KCNMA1: variants seen among roughly 807,000 people sequenced by gnomAD.
KCNMA1 encodes Calcium-activated potassium channel subunit alpha-1.
KCNMA1 carries 29 observed loss-of-function variants against 140.0 expected under a neutral mutation model. The observed-to-expected ratio is 0.21, with a 90% CI of 0.15 to 0.28. The LOEUF (loss-of-function observed/expected upper bound fraction) is 0.28. Ranked by LOEUF, KCNMA1 falls within the 10% of genes least tolerant of loss-of-function variation. KCNMA1 has a pLI of 1.00. For missense variants in KCNMA1, 880 were observed against 1,602.2 expected (o/e 0.55, Z 7.70); for synonymous variants, 612 against 611.9 (o/e 1.00, Z 0.00).
chr10:77,257,881 A>G (rs1238934654), intron 2 of KCNMA1, among the ~76,000 whole-genome samples: 1 of 152,216 alleles, frequency 6.6e-6, no homozygotes, highest in East Asian at 1.9e-4. Context: ...GCCACGTGGA[A>G]CTGTGAGTCC....
intron 2 of KCNMA1, among the ~76,000 whole-genome samples, chr10:77,398,304 T>A (rs1330916651): frequency 6.6e-6 from 1 of 152,208 alleles, no homozygotes; most frequent in Admixed American, 6.5e-5. Flanking sequence ...ATAGAGGTTG[T>A]ACTAATTTAC....
At chr10:77,002,181 A>G (rs1435429221) in intron 18 of KCNMA1, among the ~76,000 whole-genome samples, 1 of 152,232 alleles carries the variant, frequency 6.6e-6, no homozygotes, top group Non-Finnish European at 1.5e-5. Context: ...GAGTGAGTTT[A>G]TATGATGGCT....
chr10:77,131,948 G>C (rs1296005753), intron 5 of KCNMA1, among the ~76,000 whole-genome samples: 1 of 124,020 alleles, frequency 8.1e-6, no homozygotes, highest in Non-Finnish European at 1.6e-5. Flanking sequence ...CTGGGCAACA[G>C]AGCAAGACTC....
chr10:77,433,077 G>A (rs2097185166), intron 1 of KCNMA1, among the ~76,000 whole-genome samples: 1 of 152,124 alleles, frequency 6.6e-6, no homozygotes, highest in Non-Finnish European at 1.5e-5. Context: ...ATGGTCATGA[G>A]GTAAGTTTCA....
intron 2 of KCNMA1, among the ~76,000 whole-genome samples, chr10:77,271,098 A>C (rs2064999303): frequency 1.3e-5 from 2 of 152,366 alleles, no homozygotes; most frequent in South Asian, 4.1e-4. Flanking sequence ...CATCTTGTGA[A>C]AATTAGTCCT....
At chr10:77,335,982 A>T (rs919728556) in intron 2 of KCNMA1, among the ~76,000 whole-genome samples, 17 of 152,174 alleles carry the variant, frequency 1.1e-4, no homozygotes, top group Non-Finnish European at 1.6e-4. Flanking sequence ...TGGGAATGAG[A>T]GGATGAAGAA....
At chr10:76,914,658 A>G (rs1439291503) in intron 24 of KCNMA1, 2 of 394,788 alleles carry the variant, frequency 5.1e-6, no homozygotes, top group Non-Finnish European at 9.5e-6. Context: ...TCCATTCCCA[A>G]TTGAATGCCC....
At chr10:77,104,366 T>C (rs953037897) in intron 9 of KCNMA1, among the ~76,000 whole-genome samples, 1 of 152,176 alleles carries the variant, frequency 6.6e-6, no homozygotes, top group Admixed American at 6.5e-5. Flanking sequence ...GGTTAGTCCA[T>C]GACAACTATT....
At chr10:77,061,522 C>T (rs944844632) in intron 14 of KCNMA1, among the ~76,000 whole-genome samples, 1 of 152,110 alleles carries the variant, frequency 6.6e-6, no homozygotes, top group Non-Finnish European at 1.5e-5. Context: ...GATAAGGATG[C>T]GGAGCTACAG....
intron 23 of KCNMA1, among the ~76,000 whole-genome samples, chr10:76,919,821 G>T (rs1480077069): frequency 1.3e-5 from 2 of 151,698 alleles, no homozygotes; most frequent in Non-Finnish European, 2.9e-5. Flanking sequence ...GCTAAAAAAT[G>T]CTGGCTACCA....
chr10:77,494,520 C>T (rs917183650), intron 1 of KCNMA1, among the ~76,000 whole-genome samples: 6 of 152,178 alleles, frequency 3.9e-5, no homozygotes, highest in Non-Finnish European at 1.5e-5. Flanking sequence ...AATTGGCAGC[C>T]GCTGCTCACA....
At chr10:77,029,121 A>G (rs536013494) in intron 15 of KCNMA1, among the ~76,000 whole-genome samples, 3 of 152,354 alleles carry the variant, frequency 2.0e-5, no homozygotes, top group African/African-American at 4.8e-5. Context: ...AAATGGCACA[A>G]TACAGTTAGA....
At chr10:77,328,680 G>A (rs1359608828) in intron 2 of KCNMA1, among the ~76,000 whole-genome samples, 1 of 152,124 alleles carries the variant, frequency 6.6e-6, no homozygotes, top group Non-Finnish European at 1.5e-5. Context: ...CTCTTCTGAT[G>A]CAAATGGTAT....
At chr10:77,225,770 A>T (rs1027867989) in intron 3 of KCNMA1, among the ~76,000 whole-genome samples, 3 of 152,220 alleles carry the variant, frequency 2.0e-5, no homozygotes, top group Non-Finnish European at 4.4e-5. Flanking sequence ...TGGAGGCCAC[A>T]TGCCGAATGG....
At chr10:77,250,047 C>G (rs1269366270) in intron 3 of KCNMA1, 1 of 152,162 alleles carries the variant, frequency 6.6e-6, no homozygotes. Flanking sequence ...ACATTTTGGC[C>G]TCTCCACCCA....
At chr10:77,462,685 C>T (rs1603626001) in intron 1 of KCNMA1, among the ~76,000 whole-genome samples, 1 of 152,218 alleles carries the variant, frequency 6.6e-6, no homozygotes, top group Admixed American at 6.5e-5. Flanking sequence ...GGCTCTCCCC[C>T]GGGAGAGAGT....
chr10:77,628,499 T>C (rs1252386191), intron 1 of KCNMA1, among the ~76,000 whole-genome samples: 1 of 151,578 alleles, frequency 6.6e-6, no homozygotes, highest in African/African-American at 2.4e-5. Context: ...CCATTAAAAA[T>C]ACAAAAATTA....
intron 10 of KCNMA1, among the ~76,000 whole-genome samples, chr10:77,087,187 T>C (rs1221679573): frequency 6.6e-6 from 1 of 152,056 alleles, no homozygotes; most frequent in Non-Finnish European, 1.5e-5. Context: ...GGGGTTGACA[T>C]TGGCTCTATG....
intron 5 of KCNMA1, among the ~76,000 whole-genome samples, chr10:77,146,374 T>C (rs2098290886): frequency 6.6e-6 from 1 of 152,108 alleles, no homozygotes. Context: ...GCTGCTTATA[T>C]GAAACCTGAA....
Sources: gnomAD v4.1 joint callset for allele counts (sites outside exome capture counted in the v4.1 genomes callset) on GRCh38, gnomAD v4.1.1 for gene constraint, MANE v1.5 for transcripts, NCBI Gene and HGNC (gene_info 2026-07-23, HGNC 2026-07-21) for gene names.